Variants in MAGI2 observed in about 807,000 individuals in gnomAD.
MAGI2 encodes the protein membrane-associated guanylate kinase, WW and PDZ domain-containing protein 2.
Under a neutral mutation model 133.3 loss-of-function variants are expected in MAGI2, and 35 were observed. That is an observed-to-expected ratio of 0.26 (90% CI 0.20 to 0.35). The LOEUF (loss-of-function observed/expected upper bound fraction) is 0.35, where lower values mean the gene tolerates loss of function less well. Ranked by LOEUF, MAGI2 falls within the 10% of genes least tolerant of loss-of-function variation. The pLI, the probability that MAGI2 is intolerant of heterozygous loss-of-function variation, is 1.00. For missense variants in MAGI2, 1,636 were observed against 1,863.4 expected, an observed-to-expected ratio of 0.88 and a Z score of 2.25; for synonymous variants, 729 against 710.6, an observed-to-expected ratio of 1.03 and a Z score of -0.41.
At position 79,424,868 on chromosome 7, in the gene MAGI2, CT is replaced by C. The variant is rs1275438317; in HGVS notation, c.301+28151del. Among the ~76,000 whole-genome samples the C allele has an allele frequency of 7.9e-5, 12 of 151,908 alleles. No individual in the cohort carries two copies. The East Asian group carries it at 2.3e-3, about 29-fold the overall frequency. On this transcript the variant is annotated intron_variant, in intron 1 of 21. Transcript: ENST00000354212. ...TGTAATGAAATTAATTATATTATAC[CT>C]GTATATTTATTTCCATTCACATTCA...
intron 1 of MAGI2, among the ~76,000 whole-genome samples, chr7:79,300,182 G>A (rs1837286630): frequency 1.3e-5 from 2 of 152,152 alleles, no homozygotes; most frequent in African/African-American, 4.8e-5. Context: ...CTGCGTAATG[G>A]GCAGAGGTTA....
chr7:78,435,373 C>G (rs547603997), intron 6 of MAGI2, among the ~76,000 whole-genome samples: 1 of 152,154 alleles, frequency 6.6e-6, no homozygotes, highest in South Asian at 2.1e-4. Context: ...TCACTCTTCA[C>G]GTCTGTGAAG....
At chr7:78,761,631 A>G (rs1043423049) in intron 2 of MAGI2, among the ~76,000 whole-genome samples, 1 of 151,924 alleles carries the variant, frequency 6.6e-6, no homozygotes, top group Non-Finnish European at 1.5e-5. Flanking sequence ...ATACCTGGCT[A>G]ATTTTTAGTA....
At chr7:79,056,402 A>G (rs1813153228) in intron 1 of MAGI2, among the ~76,000 whole-genome samples, 1 of 152,202 alleles carries the variant, frequency 6.6e-6, no homozygotes, top group African/African-American at 2.4e-5. Context: ...ATAAGTTCAT[A>G]GGTCACAATG....
intron 2 of MAGI2, among the ~76,000 whole-genome samples, chr7:78,684,798 A>T (rs1049980011): frequency 2.6e-5 from 4 of 152,188 alleles, no homozygotes; most frequent in Non-Finnish European, 5.9e-5. Flanking sequence ...GGCAAAACTA[A>T]CATTCACTAT....
In MAGI2 at chr7:78,789,783, C is replaced by T. The variant is rs563253065; in HGVS notation, c.419-162544G>A. 5.9e-5 allele frequency among the ~76,000 whole-genome samples: 9 copies of T among 152,304 alleles called. No homozygotes were observed. In the East Asian group the frequency reaches 1.4e-3, roughly 23 times the overall value. On this transcript the variant is annotated intron_variant, in intron 2 of 21. Coordinates refer to ENST00000354212, the MANE Select transcript of MAGI2 (RefSeq NM_012301.4). ...CACCTTGTTGTGCTATCACGTACTA[C>T]ATCTTATTCATTCTATCTCTAGCTC...
chr7:78,281,731 C>CAGTATCCTGAGGTATTTTCCAGGTGAT (rs1795604981), intron 9 of MAGI2, among the ~76,000 whole-genome samples: 1 of 151,174 alleles, frequency 6.6e-6, no homozygotes. Flanking sequence ...GAAAGCTACA[C>CAGTATCCTGAGGTATTTTCCAGGTGAT]ATTATCCTGA....
intron 2 of MAGI2, among the ~76,000 whole-genome samples, chr7:78,700,978 ATAT>A (rs1263232979): frequency 1.3e-5 from 2 of 150,490 alleles, no homozygotes; most frequent in Non-Finnish European, 3.0e-5. Flanking sequence ...ATATGAAAGT[ATAT>A]TATAAATAAA....
intron 21 of MAGI2, among the ~76,000 whole-genome samples, chr7:78,050,517 C>T (rs1019021): frequency 0.042 from 6,443 of 152,306 alleles, 176 homozygotes; most frequent in East Asian, 0.077. Flanking sequence ...CTGCTTTGAA[C>T]AGCATCTAAA....
intron 13 of MAGI2, 47 bp downstream of exon 13, chr7:78,185,582 T>G (rs1403151408): frequency 7.0e-7 from 1 of 1,423,426 alleles, no homozygotes; most frequent in East Asian, 2.4e-5. Context: ...TTACACAAAA[T>G]GGAAGACGTT....
intron 6 of MAGI2, among the ~76,000 whole-genome samples, chr7:78,384,077 G>C (rs924623123): frequency 7.2e-6 from 1 of 138,452 alleles, no homozygotes; most frequent in Non-Finnish European, 1.7e-5. Flanking sequence ...GGCTATTTGT[G>C]CTCTTTTTTT....
intron 12 of MAGI2, among the ~76,000 whole-genome samples, chr7:78,188,602 G>C (rs975716065): frequency 6.6e-6 from 1 of 152,234 alleles, no homozygotes; most frequent in Non-Finnish European, 1.5e-5. Flanking sequence ...TTTCACTAAA[G>C]TAAGATTGTG....
At chr7:78,811,354 A>G (rs769271349) in intron 2 of MAGI2, among the ~76,000 whole-genome samples, 62 of 152,118 alleles carry the variant, frequency 4.1e-4, no homozygotes, top group Admixed American at 2.3e-3. Context: ...AGAAAGTGAC[A>G]AAAAGTTTGT....
At chr7:78,652,599 T>A (rs1014305700) in intron 2 of MAGI2, among the ~76,000 whole-genome samples, 1 of 152,122 alleles carries the variant, frequency 6.6e-6, no homozygotes, top group African/African-American at 2.4e-5. Context: ...GACTCCTTCC[T>A]TGCACCTTAT....
At chr7:79,096,764 T>C (rs1817556092) in intron 1 of MAGI2, among the ~76,000 whole-genome samples, 1 of 152,190 alleles carries the variant, frequency 6.6e-6, no homozygotes. Flanking sequence ...CAACTGTATC[T>C]ATGCATCACT....
intron 2 of MAGI2, among the ~76,000 whole-genome samples, chr7:78,817,197 C>T (rs1030621119): frequency 2.0e-5 from 3 of 152,172 alleles, no homozygotes; most frequent in African/African-American, 7.2e-5. Context: ...GAGTGAATTG[C>T]TACAAACTCA....
intron 3 of MAGI2, among the ~76,000 whole-genome samples, chr7:78,602,214 C>G (rs763163713): frequency 1.3e-5 from 2 of 152,148 alleles, no homozygotes; most frequent in Non-Finnish European, 2.9e-5. Flanking sequence ...ACTCTTGTTG[C>G]AATGGCGCTA....
intron 1 of MAGI2, among the ~76,000 whole-genome samples, chr7:79,092,212 C>T (rs1562880504): frequency 6.6e-6 from 1 of 152,072 alleles, no homozygotes; most frequent in African/African-American, 2.4e-5. Flanking sequence ...TCTAATAATG[C>T]AAGTTAAAAT....
At chr7:79,375,164 C>T (rs1843300015) in intron 1 of MAGI2, among the ~76,000 whole-genome samples, 1 of 151,792 alleles carries the variant, frequency 6.6e-6, no homozygotes, top group African/African-American at 2.4e-5. Flanking sequence ...GTGTTGTTGG[C>T]AAATAAAAAT....
Sources: gnomAD v4.1 joint callset for allele counts (sites outside exome capture counted in the v4.1 genomes callset) on GRCh38, gnomAD v4.1.1 for gene constraint, MANE v1.5 for transcripts, NCBI Gene and HGNC (gene_info 2026-07-23, HGNC 2026-07-21) for gene names.